PAK5: variants seen among roughly 807,000 people sequenced by gnomAD.
PAK5 encodes p21 (RAC1) activated kinase 5.
Under a neutral mutation model 65.9 loss-of-function variants are expected in PAK5, and 16 were observed. That is an observed-to-expected ratio of 0.24 (90% confidence interval 0.16 to 0.37). The LOEUF (loss-of-function observed/expected upper bound fraction) is 0.37, where lower values mean the gene tolerates loss of function less well. Among genes scored for constraint, PAK5 ranks in the 10% least tolerant of loss-of-function variants. The pLI, the probability that PAK5 is intolerant of heterozygous loss-of-function variation, is 1.00. For synonymous variants in PAK5, 371 were observed against 354.9 expected, an observed-to-expected ratio of 1.05 and a Z score of -0.51; for missense variants, 785 against 903.9, an observed-to-expected ratio of 0.87 and a Z score of 1.69.
At chr20:9,628,129 T>C (rs2046872652) in intron 3 of PAK5, among the ~76,000 whole-genome samples, 1 of 152,204 alleles carries the variant, frequency 6.6e-6, no homozygotes, top group Admixed American at 6.5e-5. Flanking sequence ...CATGTGACCA[T>C]TTGGTTTGAT....
intron 1 of PAK5, among the ~76,000 whole-genome samples, chr20:9,763,261 C>G (rs1244375021): frequency 6.6e-6 from 1 of 152,104 alleles, no homozygotes; most frequent in East Asian, 1.9e-4. Flanking sequence ...GTTCTTATCA[C>G]ACATACACAC....
At chr20:9,771,210 C>T (rs1284714379) in intron 1 of PAK5, among the ~76,000 whole-genome samples, 2 of 152,036 alleles carry the variant, frequency 1.3e-5, no homozygotes, top group Non-Finnish European at 2.9e-5. Flanking sequence ...CCACATAGCC[C>T]TAACAGAGAT....
At chr20:9,683,716 T>G (rs887577873) in intron 2 of PAK5, among the ~76,000 whole-genome samples, 6 of 152,032 alleles carry the variant, frequency 3.9e-5, no homozygotes, top group African/African-American at 1.5e-4. Context: ...TTTGGTACCT[T>G]TTTTTGTTTT....
intron 1 of PAK5, among the ~76,000 whole-genome samples, chr20:9,837,983 G>A (rs1217652554): frequency 6.6e-6 from 1 of 152,132 alleles, no homozygotes; most frequent in African/African-American, 2.4e-5. Context: ...CACACACATG[G>A]TTTCAAGAAG....
chr20:9,558,350 G>T (rs1043200005), intron 6 of PAK5, among the ~76,000 whole-genome samples: 4 of 151,908 alleles, frequency 2.6e-5, no homozygotes, highest in Non-Finnish European at 4.4e-5. Flanking sequence ...CCTGACCTCA[G>T]GTGATCCACC....
chr20:9,566,062 A>T lies in PAK5; in HGVS notation c.1313T>A (p.Leu438Gln), dbSNP rs2122995305. The change falls in exon 5 of 10, where the codon CTG becomes CAG. Residue 438 changes from leucine to glutamine, a missense_variant. Leu to Gln is a moderately radical substitution (Grantham distance 113). Coordinates refer to ENST00000353224, the MANE Select transcript of PAK5 (RefSeq NM_177990.4). ...SHEQFRAALQ[L>Q]VVSPGDPREY... ...CCTGGGGTCTCCTGGGCTGACCACC[A>T]GCTGCAGGGCCGCCCGAAACTGTTC... 1 of 1,613,970 alleles carries T rather than the reference A, an allele frequency of 6.2e-7. No individual in the cohort carries two copies. The highest frequency in any genetic ancestry group is 8.5e-7 in the Non-Finnish European group (1 of 1,179,982).
At chr20:9,663,192 T>C (rs2047369800) in intron 2 of PAK5, among the ~76,000 whole-genome samples, 1 of 152,208 alleles carries the variant, frequency 6.6e-6, no homozygotes, top group South Asian at 2.1e-4. Flanking sequence ...TAAAATCTGA[T>C]GTGGTTTGGG....
At chr20:9,779,348 T>G (rs1299177532) in intron 1 of PAK5, among the ~76,000 whole-genome samples, 1 of 112,534 alleles carries the variant, frequency 8.9e-6, no homozygotes, top group Non-Finnish European at 1.9e-5. Flanking sequence ...TGGACATTTG[T>G]CTAATATATA....
chr20:9,804,363 G>T (rs1273224206), intron 1 of PAK5, among the ~76,000 whole-genome samples: 10 of 152,122 alleles, frequency 6.6e-5, no homozygotes, highest in Admixed American at 1.3e-4. Flanking sequence ...AGGCACAGAG[G>T]ATAGACATAT....
intron 2 of PAK5, among the ~76,000 whole-genome samples, chr20:9,660,175 C>T (rs1215629071): frequency 6.6e-6 from 1 of 151,904 alleles, no homozygotes; most frequent in Non-Finnish European, 1.5e-5. Context: ...ATAATCCTGG[C>T]ATGAGGGGGA....
intron 1 of PAK5, among the ~76,000 whole-genome samples, chr20:9,789,679 T>C (rs1199932198): frequency 3.9e-5 from 6 of 152,124 alleles, no homozygotes; most frequent in Non-Finnish European, 4.4e-5. Context: ...GTTCCACATA[T>C]GATGGTCTGG....
At chr20:9,713,402 T>C (rs1303953238) in intron 1 of PAK5, among the ~76,000 whole-genome samples, 2 of 152,098 alleles carry the variant, frequency 1.3e-5, no homozygotes, top group African/African-American at 4.8e-5. Context: ...GAAATACTTG[T>C]ATGCTGTTGG....
intron 3 of PAK5, among the ~76,000 whole-genome samples, chr20:9,617,685 A>T (rs1428526213): frequency 1.3e-5 from 2 of 150,264 alleles, no homozygotes; most frequent in Non-Finnish European, 2.9e-5. Context: ...CCTCCCGAGT[A>T]GCTGGGACTA....
intron 3 of PAK5, among the ~76,000 whole-genome samples, chr20:9,616,425 C>T (rs2046656750): frequency 6.6e-6 from 1 of 152,214 alleles, no homozygotes; most frequent in African/African-American, 2.4e-5. Flanking sequence ...CTGCTGGAAA[C>T]ACGGCAAAGA....
At chr20:9,639,323 T>C (rs991811701) in intron 3 of PAK5, among the ~76,000 whole-genome samples, 1 of 152,196 alleles carries the variant, frequency 6.6e-6, no homozygotes, top group African/African-American at 2.4e-5. Flanking sequence ...CTGCCAGTGA[T>C]GTTAACTGAA....
intron 1 of PAK5, among the ~76,000 whole-genome samples, chr20:9,765,824 A>C (rs1349065431): frequency 6.6e-6 from 1 of 152,200 alleles, no homozygotes; most frequent in East Asian, 1.9e-4. Flanking sequence ...ACAGGACTTC[A>C]AAAAGTCAAA....
In PAK5 at chr20:9,752,044, C is replaced by T. The variant is rs180912789; in HGVS notation, c.-161-40609G>A. Among the ~76,000 whole-genome samples the T allele has an allele frequency of 1.6e-3, 236 of 152,194 alleles. 1 individual carries two copies. Among genetic ancestry groups the T allele is most frequent in the Non-Finnish European group, 2.8e-3 (187 of 67,996 alleles). ...ATCTGGTGGAAGAGATTGGCAATAACGTGTAAATTAACAAACTGAACAGTA... is the reference window on the plus strand; with the variant it reads ...ATCTGGTGGAAGAGATTGGCAATAATGTGTAAATTAACAAACTGAACAGTA... On this transcript the variant is annotated intron_variant, in intron 1 of 9. Transcript: ENST00000353224.
intron 1 of PAK5, among the ~76,000 whole-genome samples, chr20:9,725,939 A>T (rs2048272390): frequency 6.6e-6 from 1 of 152,192 alleles, no homozygotes; most frequent in East Asian, 1.9e-4. Flanking sequence ...TTTCAGTAAT[A>T]AGAAAAAAAA....
At chr20:9,730,422 A>G (rs2048324347) in intron 1 of PAK5, among the ~76,000 whole-genome samples, 1 of 152,222 alleles carries the variant, frequency 6.6e-6, no homozygotes, top group South Asian at 2.1e-4. Context: ...TTTAAAAAGT[A>G]CACTTCTGTG....
Sources: allele counts gnomAD v4.1 joint callset (sites outside exome capture counted in the v4.1 genomes callset), GRCh38; gene constraint gnomAD v4.1.1; transcripts MANE v1.5; gene names NCBI Gene and HGNC (gene_info 2026-07-23, HGNC 2026-07-21).